Variants in TM7SF3 observed in about 807,000 individuals in gnomAD.
TM7SF3 encodes the protein transmembrane 7 superfamily member 3.
TM7SF3 carries 60 observed loss-of-function variants against 65.5 expected under a neutral mutation model. The ratio of observed to expected loss-of-function variants is 0.92; its 90% confidence interval spans 0.74 to 1.14. TM7SF3 has a LOEUF of 1.14. Among genes scored for constraint, TM7SF3 ranks in the 50% most tolerant of loss-of-function variants. TM7SF3 has a pLI of 0.00. For synonymous variants in TM7SF3, 264 were observed against 259.6 expected (o/e 1.02, Z -0.16); for missense variants, 623 against 684.8 (o/e 0.91, Z 1.01).
chr12:26,977,775 TGTG>T (rs1939632700), intron 9 of TM7SF3, among the ~76,000 whole-genome samples: 1 of 150,690 alleles, frequency 6.6e-6, no homozygotes, highest in African/African-American at 2.4e-5. Context: ...AATGTGTGTG[TGTG>T]TGTGTGTGTG....
At chr12:26,976,724 A>G (rs1427400992) in intron 9 of TM7SF3, among the ~76,000 whole-genome samples, 3 of 152,232 alleles carry the variant, frequency 2.0e-5, no homozygotes, top group African/African-American at 7.2e-5. Context: ...ATCACCTGTT[A>G]GCTCTACATT....
intron 6 of TM7SF3, among the ~76,000 whole-genome samples, chr12:26,988,673 TGTG>T (rs1157016651): frequency 6.2e-4 from 6 of 9,638 alleles, no homozygotes; most frequent in African/African-American, 4.0e-3. Context: ...AGAAGAAAAT[TGTG>T]TGTGTGTGTG....
At chr12:26,999,702 T>C (rs779658139) in intron 2 of TM7SF3, 26 bp from the exon 3 acceptor site, 5 of 1,612,544 alleles carry the variant, frequency 3.1e-6, no homozygotes, top group Non-Finnish European at 4.2e-6. Context: ...AACATTGTCA[T>C]GAATAGGAAG....
At position 26,974,190 on chromosome 12, in the gene TM7SF3, T is replaced by TA. The variant is rs1314845635; in HGVS notation, c.1487dup (p.Ser497LysfsTer39). 8 of 1,614,152 alleles carry TA rather than the reference T, an allele frequency of 5.0e-6. No homozygotes were observed. In the South Asian group the frequency reaches 5.5e-5, roughly 11 times the overall value. ...TTCGAATCTGTAACGTAATTCCACT[T>TA]ACAGCCAGCATGCCCCATACTGCCA... On this transcript the variant is annotated frameshift_variant, in exon 12 of 12. Transcript: ENST00000343028. LOFTEE classifies it high-confidence loss of function.
chr12:26,997,502 C>T, intron 3 of TM7SF3, among the ~76,000 whole-genome samples: 1 of 152,208 alleles, frequency 6.6e-6, no homozygotes, highest in Non-Finnish European at 1.5e-5. Flanking sequence ...TCTTTGTACA[C>T]TGTCCTTGAC....
intron 9 of TM7SF3, among the ~76,000 whole-genome samples, chr12:26,976,700 T>C (rs781573529): frequency 3.4e-4 from 51 of 152,180 alleles, no homozygotes; most frequent in Admixed American, 9.8e-4. Flanking sequence ...TTGAATTATA[T>C]CTCCAAGCTC....
At chr12:26,977,513 G>T (rs1334262874) in intron 9 of TM7SF3, among the ~76,000 whole-genome samples, 1 of 152,206 alleles carries the variant, frequency 6.6e-6, no homozygotes, top group Non-Finnish European at 1.5e-5. Flanking sequence ...CAACACTTTG[G>T]GAGGCCGAGG....
chr12:26,997,802 T>C (rs1166387376), intron 3 of TM7SF3, among the ~76,000 whole-genome samples: 2 of 149,988 alleles, frequency 1.3e-5, no homozygotes, highest in African/African-American at 4.9e-5. Context: ...GACCTCTCCG[T>C]AGACTGTAAC....
intron 1 of TM7SF3, among the ~76,000 whole-genome samples, chr12:27,008,201 C>A (rs1941112344): frequency 6.6e-6 from 1 of 152,086 alleles, no homozygotes; most frequent in Admixed American, 6.5e-5. Flanking sequence ...GCCCAGAAGT[C>A]TCACCAACAC....
intron 6 of TM7SF3, among the ~76,000 whole-genome samples, chr12:26,985,285 C>T (rs1939996882): frequency 6.6e-6 from 1 of 151,984 alleles, no homozygotes; most frequent in Non-Finnish European, 1.5e-5. Context: ...TCACTTGAGG[C>T]CAGGAGTTCA....
At chr12:26,974,692 G>A (rs1939496668) in intron 11 of TM7SF3, among the ~76,000 whole-genome samples, 1 of 152,154 alleles carries the variant, frequency 6.6e-6, no homozygotes, top group African/African-American at 2.4e-5. Flanking sequence ...TGCATGAAAA[G>A]ATTCAACCAA....
intron 1 of TM7SF3, among the ~76,000 whole-genome samples, chr12:27,008,596 C>T (rs532197256): frequency 6.6e-4 from 100 of 152,220 alleles, no homozygotes; most frequent in Non-Finnish European, 1.2e-3. Context: ...TCAACATATA[C>T]CAAGATCATG....
chr12:26,987,972 A>G (rs531988552), intron 6 of TM7SF3, among the ~76,000 whole-genome samples: 1 of 152,196 alleles, frequency 6.6e-6, no homozygotes, highest in Non-Finnish European at 1.5e-5. Flanking sequence ...AATTATGAGG[A>G]AATATCAAAG....
chr12:27,000,721 A>T (rs947278215), intron 2 of TM7SF3, among the ~76,000 whole-genome samples: 1 of 152,126 alleles, frequency 6.6e-6, no homozygotes, highest in African/African-American at 2.4e-5. Flanking sequence ...AGCCTCCCAA[A>T]GTGCTGGGAT....
At chr12:26,975,158 C>G (rs1389484505) in intron 11 of TM7SF3, among the ~76,000 whole-genome samples, 3 of 152,192 alleles carry the variant, frequency 2.0e-5, no homozygotes, top group Admixed American at 1.3e-4. Context: ...GGTTGTCATT[C>G]TCATCCCTTA....
At chr12:27,005,682 G>C (rs1421188440) in intron 1 of TM7SF3, among the ~76,000 whole-genome samples, 2 of 151,974 alleles carry the variant, frequency 1.3e-5, no homozygotes, top group East Asian at 3.8e-4. Flanking sequence ...ACAAAACTTT[G>C]GAAAGACAGT....
At chr12:26,976,929 T>C (rs1939592245) in intron 9 of TM7SF3, among the ~76,000 whole-genome samples, 1 of 152,342 alleles carries the variant, frequency 6.6e-6, no homozygotes. Context: ...AACTATCTGC[T>C]CTTCCCAAAC....
intron 1 of TM7SF3, 68 bp downstream of exon 1, chr12:27,014,010 C>A: frequency 1.5e-6 from 2 of 1,353,498 alleles, no homozygotes; most frequent in East Asian, 2.5e-5. Context: ...AGACCCCTGG[C>A]GGATTTTGAC....
chr12:26,986,128 T>C (rs1221478817), intron 6 of TM7SF3, among the ~76,000 whole-genome samples: 7 of 152,084 alleles, frequency 4.6e-5, no homozygotes, highest in African/African-American at 1.4e-4. Context: ...GCACCCGGCC[T>C]GCTTGGCCAA....
Sources: gnomAD v4.1 joint callset for allele counts (sites outside exome capture counted in the v4.1 genomes callset) on GRCh38, gnomAD v4.1.1 for gene constraint, MANE v1.5 for transcripts, NCBI Gene and HGNC (gene_info 2026-07-23, HGNC 2026-07-21) for gene names.